Variants in GYG1 observed in about 807,000 individuals in gnomAD.
The protein encoded by GYG1 is glycogenin 1.
A neutral mutation model predicts 41.9 loss-of-function variants in GYG1; 44 were observed. That is an observed-to-expected ratio of 1.05 (90% CI 0.83 to 1.35). The LOEUF (loss-of-function observed/expected upper bound fraction) is 1.35, where lower values mean the gene tolerates loss of function less well. Among genes scored for constraint, GYG1 ranks in the 40% most tolerant of loss-of-function variants. The pLI, the probability that GYG1 is intolerant of heterozygous loss-of-function variation, is 0.00. For missense variants in GYG1, 429 were observed against 418.9 expected (o/e 1.02, Z -0.21); for synonymous variants, 141 against 158.1 (o/e 0.89, Z 0.81).
chr3:149,012,711 A>AT (rs368422873), intron 5 of GYG1, among the ~76,000 whole-genome samples: 6,859 of 150,214 alleles, frequency 0.046, 225 homozygotes, highest in Admixed American at 0.088. Context: ...CAGAATTAGT[A>AT]TTTTTTTTTT....
intron 5 of GYG1, among the ~76,000 whole-genome samples, chr3:149,018,137 G>A (rs995867158): frequency 3.3e-5 from 5 of 152,184 alleles, no homozygotes; most frequent in East Asian, 3.9e-4. Flanking sequence ...TGACTAAAGG[G>A]TAAATTGATT....
At chr3:149,017,563 A>G (rs942858858) in intron 5 of GYG1, among the ~76,000 whole-genome samples, 1 of 33,122 alleles carries the variant, frequency 3.0e-5, no homozygotes, top group African/African-American at 7.8e-5. Flanking sequence ...GCTTTTATTT[A>G]TTTATTTCTT....
rs1011854193 is a variant in GYG1 at position 149,029,060 on chromosome 3, T to C, written c.*2127T>C. Among the ~76,000 whole-genome samples, 1 of 152,198 alleles carries C rather than the reference T, an allele frequency of 6.6e-6. No individual in the cohort carries two copies. Among genetic ancestry groups the C allele is most frequent in the African/African-American group, 2.4e-5 (1 of 41,448 alleles). ...AAGTAGTGAAGGCTATTATTAACTT[T>C]TGGAATCAGAAAGAATGACAAGCTT... On this transcript the variant is annotated 3_prime_UTR_variant, in exon 8 of 8. Transcript: ENST00000345003.
At chr3:148,994,075 T>G (rs1410723783) in intron 1 of GYG1, 67 bp from the exon 2 acceptor site, 2 of 1,418,200 alleles carry the variant, frequency 1.4e-6, no homozygotes, top group African/African-American at 2.8e-5. Context: ...TTTGAATGGG[T>G]TCCTGGGGAA....
At chr3:148,997,370 A>AAGAT (rs149945342) in intron 4 of GYG1, among the ~76,000 whole-genome samples, 5,818 of 152,232 alleles carry the variant, frequency 0.038, 378 homozygotes, top group African/African-American at 0.13. Context: ...CATAAAAAAG[A>AAGAT]AGAAAGTTTG....
intron 5 of GYG1, among the ~76,000 whole-genome samples, chr3:149,021,407 T>G (rs972291587): frequency 2.0e-5 from 3 of 152,236 alleles, no homozygotes; most frequent in Non-Finnish European, 2.9e-5. Context: ...AGAGTAAGCT[T>G]GGGGATATCA....
In GYG1 at chr3:148,996,744, C is replaced by T. The variant is rs780320883; in HGVS notation, c.321C>T (p.Val107=). 1 of 1,613,504 alleles carries T rather than the reference C, an allele frequency of 6.2e-7. No homozygotes were observed. The highest frequency in any genetic ancestry group is 1.1e-5 in the South Asian group (1 of 91,062). The part of the protein sequence containing the change: ...KCVFMDADTL[V]LANIDDLFDR... ...TGCTCTTTCTCCCCTTTGATCAGGT[C>T]CTAGCAAATATTGATGATCTTTTTG... is the stretch of plus-strand genomic sequence containing the variant. Residue 107 remains valine (V), a splice_region_variant and synonymous_variant, in exon 4 of 8, where the codon GTC becomes GTT. Transcript: ENST00000345003.
At chr3:149,026,614 CTTT>C (rs1334281701) in intron 7 of GYG1, 112 bp downstream of exon 7, 1 of 1,015,330 alleles carries the variant, frequency 9.8e-7, no homozygotes. Flanking sequence ...ATTTTTGTGT[CTTT>C]TTTGTTTGTT....
At chr3:149,008,356 A>G (rs1713522461) in intron 4 of GYG1, 1 of 152,564 alleles carries the variant, frequency 6.6e-6, no homozygotes, top group African/African-American at 2.4e-5. Context: ...CATGCAACTC[A>G]TTCCCGCCGA....
At chr3:149,005,848 A>G (rs187357798) in intron 4 of GYG1, among the ~76,000 whole-genome samples, 6 of 152,308 alleles carry the variant, frequency 3.9e-5, no homozygotes, top group African/African-American at 1.2e-4. Context: ...CCCTAATGGT[A>G]GTACCTTACA....
intron 1 of GYG1, chr3:148,992,891 A>T (rs1389100533): frequency 1.3e-5 from 2 of 151,348 alleles, no homozygotes; most frequent in Admixed American, 6.6e-5. Flanking sequence ...CTCTCAGGTC[A>T]GCAGCCGAGG....
At chr3:148,998,971 T>C (rs550495128) in intron 4 of GYG1, among the ~76,000 whole-genome samples, 38 of 152,232 alleles carry the variant, frequency 2.5e-4, no homozygotes, top group Admixed American at 1.0e-3. Context: ...TCTTGTGGCC[T>C]GCCAACTGCC....
chr3:149,002,423 T>C (rs958924901), intron 4 of GYG1, among the ~76,000 whole-genome samples: 4 of 152,218 alleles, frequency 2.6e-5, no homozygotes, highest in African/African-American at 4.8e-5. Context: ...AATTAATAGC[T>C]TGATACTTAA....
intron 2 of GYG1, 26 bp downstream of exon 2, chr3:148,994,303 A>T (rs1462227596): frequency 1.9e-6 from 3 of 1,612,702 alleles, no homozygotes; most frequent in Non-Finnish European, 2.5e-6. Flanking sequence ...CCACCCCAGC[A>T]TCCAAGGGGC....
chr3:149,028,256 T>C lies in GYG1; in HGVS notation c.*1323T>C, dbSNP rs145734537. 3.3e-5 allele frequency among the ~76,000 whole-genome samples: 5 copies of C among 152,308 alleles called. No homozygotes were observed. The highest frequency in any genetic ancestry group is 9.6e-5 in the African/African-American group (4 of 41,582). The stretch of plus-strand genomic sequence containing the variant: ...TGATGTGAATTAATATACAAGCATA[T>C]AGACAGCTTAAGTCAAGAATGGTTG... On this transcript the variant is annotated 3_prime_UTR_variant, in exon 8 of 8. Transcript: ENST00000345003.
chr3:148,996,519 T>G, intron 3 of GYG1, 43 bp downstream of exon 3: 1 of 1,513,486 alleles, frequency 6.6e-7, no homozygotes, highest in Non-Finnish European at 9.2e-7. Context: ...CATATATATA[T>G]ATGGTGATGG....
At position 148,996,360 on chromosome 3, in the gene GYG1, G is replaced by A. The variant is rs1274680720; in HGVS notation, c.202G>A (p.Asp68Asn). 13 of 1,611,802 alleles carry A rather than the reference G, an allele frequency of 8.1e-6. No individual in the cohort carries two copies. The highest frequency in any genetic ancestry group is 2.2e-5 in the East Asian group (1 of 44,896). ...VIMVDVLDSG[D>N]SAHLTLMKRP... ...CATGGTAGATGTCTTGGACAGTGGC[G>A]ATTCTGCTCATCTAACCTTAATGAA... Residue 68 changes from aspartate (D) to asparagine (N), a missense_variant, in exon 3 of 8, where the codon GAT becomes AAT. By Grantham distance (23) the Asp-to-Asn change is conservative (BLOSUM62 1). Coordinates refer to ENST00000345003, the MANE Select transcript of GYG1 (RefSeq NM_004130.4).
At chr3:149,022,252 C>T (rs1289214042) in intron 5 of GYG1, among the ~76,000 whole-genome samples, 2 of 152,050 alleles carry the variant, frequency 1.3e-5, no homozygotes, top group African/African-American at 4.8e-5. Flanking sequence ...CGCTTTACTC[C>T]TACTTTTTTA....
At chr3:148,994,023 G>A (rs1712642567) in intron 1 of GYG1, 119 bp from the exon 2 acceptor site, 1 of 868,812 alleles carries the variant, frequency 1.2e-6, no homozygotes, top group South Asian at 1.4e-5. Context: ...TTGATTCATA[G>A]AGAAAGTTGA....
Sources: gnomAD v4.1 joint callset for allele counts (sites outside exome capture counted in the v4.1 genomes callset) on GRCh38, gnomAD v4.1.1 for gene constraint, MANE v1.5 for transcripts, NCBI Gene and HGNC (gene_info 2026-07-23, HGNC 2026-07-21) for gene names.